The following SAMTOR variants were observed in gnomAD, a reference collection of about 807,000 sequenced individuals.
The protein encoded by SAMTOR is UPF0532 protein C7orf60.
chr7:112,867,551 A>G, the SAMTOR span, among the ~76,000 whole-genome samples: 390 of 152,314 alleles, frequency 2.6e-3, 2 homozygotes, highest in Admixed American at 6.5e-3. Flanking sequence ...GTCTATAGGT[A>G]CAATGCCACT....
chr7:112,819,911 A>G, the SAMTOR span: 1 of 152,520 alleles, frequency 6.6e-6, no homozygotes, highest in East Asian at 1.9e-4. Context: ...TACTACCAAA[A>G]TAGTTCAAAA....
chr7:112,865,027 T>TACA, the SAMTOR span, among the ~76,000 whole-genome samples: 5 of 152,192 alleles, frequency 3.3e-5, no homozygotes, highest in Non-Finnish European at 7.4e-5. Context: ...CTGCTGGGAT[T>TACA]ACAGGTGTGA....
At chr7:112,916,947 G>A in the SAMTOR span, among the ~76,000 whole-genome samples, 5 of 152,194 alleles carry the variant, frequency 3.3e-5, no homozygotes, top group African/African-American at 1.2e-4. Flanking sequence ...AGGGAAGCTC[G>A]AACTGGGTGG....
the SAMTOR span, among the ~76,000 whole-genome samples, chr7:112,877,739 T>C: frequency 1.3e-5 from 2 of 152,110 alleles, no homozygotes; most frequent in Non-Finnish European, 2.9e-5. Context: ...AGACCCCTCA[T>C]GAATTAATGC....
chr7:112,871,593 T>C, the SAMTOR span, among the ~76,000 whole-genome samples: 1 of 152,106 alleles, frequency 6.6e-6, no homozygotes, highest in African/African-American at 2.4e-5. Flanking sequence ...CAATCTACTA[T>C]TGTACCTAAA....
chr7:112,934,186 G>GAA, the SAMTOR span, among the ~76,000 whole-genome samples: 2 of 152,260 alleles, frequency 1.3e-5, no homozygotes, highest in Admixed American at 1.3e-4. Flanking sequence ...TGTGTTCTGT[G>GAA]ATGGTTCCAC....
the SAMTOR span, among the ~76,000 whole-genome samples, chr7:112,830,021 GCTTT>G: frequency 4.1e-4 from 62 of 152,014 alleles, no homozygotes; most frequent in African/African-American, 1.4e-3. Flanking sequence ...TCCCTCTATG[GCTTT>G]CTTATTTTCA....
chr7:112,863,082 C>T, the SAMTOR span, among the ~76,000 whole-genome samples: 1 of 152,024 alleles, frequency 6.6e-6, no homozygotes, highest in South Asian at 2.1e-4. Context: ...TAAAAAAATA[C>T]ATATATATAG....
At chr7:112,935,893 A>G in the SAMTOR span, among the ~76,000 whole-genome samples, 1,624 of 152,308 alleles carry the variant, frequency 0.011, 30 homozygotes, top group African/African-American at 0.037. Flanking sequence ...TTATGGAAAA[A>G]AAAAATCATA....
chr7:112,822,579 A>G, the SAMTOR span, among the ~76,000 whole-genome samples: 1 of 152,118 alleles, frequency 6.6e-6, no homozygotes, highest in East Asian at 1.9e-4. Context: ...AGACCTGCTA[A>G]TCATCATTTA....
the SAMTOR span, among the ~76,000 whole-genome samples, chr7:112,929,773 A>G: frequency 3.0e-4 from 45 of 152,184 alleles, no homozygotes; most frequent in Non-Finnish European, 5.2e-4. Flanking sequence ...CAGTGATGAA[A>G]ATGTTCTACG....
the SAMTOR span, among the ~76,000 whole-genome samples, chr7:112,922,289 A>G: frequency 0.98 from 149,176 of 152,232 alleles, 73,150 homozygotes; most frequent in East Asian, 1. Flanking sequence ...GTGCAGTGGC[A>G]TGATCTCGGC....
At chr7:112,932,482 G>A in the SAMTOR span, among the ~76,000 whole-genome samples, 3 of 152,238 alleles carry the variant, frequency 2.0e-5, no homozygotes, top group African/African-American at 7.2e-5. Flanking sequence ...TTAAAGTTAT[G>A]AATATAAAAA....
the SAMTOR span, among the ~76,000 whole-genome samples, chr7:112,920,150 A>G: frequency 6.6e-6 from 1 of 152,236 alleles, no homozygotes; most frequent in African/African-American, 2.4e-5. Context: ...CAACCAAAAA[A>G]GAGAATTTTA....
chr7:112,823,259 T>A, the SAMTOR span, among the ~76,000 whole-genome samples: 28 of 152,278 alleles, frequency 1.8e-4, no homozygotes, highest in East Asian at 5.4e-3. Context: ...AAGGCAGCTT[T>A]ATTGATGTAT....
At chr7:112,912,601 T>C in the SAMTOR span, among the ~76,000 whole-genome samples, 1 of 152,024 alleles carries the variant, frequency 6.6e-6, no homozygotes, top group Non-Finnish European at 1.5e-5. Flanking sequence ...AAACACAATA[T>C]TGTTTCAAAG....
the SAMTOR span, among the ~76,000 whole-genome samples, chr7:112,910,230 AT>A: frequency 7.9e-5 from 12 of 152,282 alleles, no homozygotes; most frequent in African/African-American, 2.6e-4. Flanking sequence ...GTCCAAAAAA[AT>A]AAACCCCACA....
the SAMTOR span, among the ~76,000 whole-genome samples, chr7:112,887,531 C>T: frequency 5.3e-4 from 81 of 152,192 alleles, 3 homozygotes; most frequent in East Asian, 0.012. Context: ...TTCTTCCTTC[C>T]TTAAATGTCT....
At chr7:112,856,461 G>A in the SAMTOR span, among the ~76,000 whole-genome samples, 1 of 152,004 alleles carries the variant, frequency 6.6e-6, no homozygotes, top group Non-Finnish European at 1.5e-5. Flanking sequence ...TATTGGCCAG[G>A]CTGGTCTCGA....
Sources: allele counts gnomAD v4.1 joint callset (sites outside exome capture counted in the v4.1 genomes callset), GRCh38; gene constraint gnomAD v4.1.1; transcripts MANE v1.5; gene names NCBI Gene and HGNC (gene_info 2026-07-23, HGNC 2026-07-21).